The following SLC1A2 variants were observed in gnomAD, a reference collection of about 807,000 sequenced individuals.
SLC1A2 encodes excitatory amino acid transporter 2.
In SLC1A2, 15 loss-of-function variants were observed where a neutral mutation model predicts 48.8. That is an observed-to-expected ratio of 0.31 (90% CI 0.21 to 0.47). The LOEUF is 0.47. Among genes scored for constraint, SLC1A2 ranks in the 20% least tolerant of loss-of-function variants. SLC1A2 has a pLI of 0.99. For missense variants in SLC1A2, 502 were observed against 730.5 expected (o/e 0.69, Z 3.61); for synonymous variants, 279 against 272.6 (o/e 1.02, Z -0.23).
intron 1 of SLC1A2, chr11:35,370,919 C>T (rs1590238679): frequency 2.0e-6 from 2 of 977,756 alleles, no homozygotes; most frequent in East Asian, 1.1e-4. Flanking sequence ...TGCAAGAATA[C>T]ATGAAATATA....
At chr11:35,353,871 G>A (rs1853359619) in intron 1 of SLC1A2, among the ~76,000 whole-genome samples, 2 of 152,162 alleles carry the variant, frequency 1.3e-5, no homozygotes, top group Admixed American at 6.5e-5. Flanking sequence ...TCCCTTGAAA[G>A]GATGTTAAGT....
At chr11:35,314,785 C>CTTTTTTTTT (rs5791048) in intron 3 of SLC1A2, among the ~76,000 whole-genome samples, 2 of 141,048 alleles carry the variant, frequency 1.4e-5, no homozygotes, top group Non-Finnish European at 3.0e-5. Context: ...CTTTTCTTTT[C>CTTTTTTTTT]TTTTTTTTTT....
intron 7 of SLC1A2, among the ~76,000 whole-genome samples, chr11:35,288,155 C>G (rs961065953): frequency 6.6e-6 from 1 of 152,104 alleles, no homozygotes; most frequent in Non-Finnish European, 1.5e-5. Context: ...CCAGAACCAA[C>G]GAATCAGAAG....
At chr11:35,416,041 G>A (rs1268652804) in intron 1 of SLC1A2, among the ~76,000 whole-genome samples, 1 of 152,162 alleles carries the variant, frequency 6.6e-6, no homozygotes, top group Admixed American at 6.5e-5. Flanking sequence ...TATTAAATTA[G>A]ACCTTGCTTT....
rs1950462603 is a variant in SLC1A2, at chr11:35,265,299, AC to A, written c.1653+227del. On this transcript the variant is annotated intron_variant, in intron 10 of 10. Coordinates refer to ENST00000278379, the MANE Select transcript of SLC1A2 (RefSeq NM_004171.4). ...CGAATGGTTGTTTCACATCACATGGACGAAATAAGCAACTGATTGACTCTTT... is the reference window on the plus strand; with the variant it reads ...CGAATGGTTGTTTCACATCACATGGAGAAATAAGCAACTGATTGACTCTTT... The A allele has an allele frequency of 1.1e-5, 6 of 557,924 alleles. No homozygotes were observed. The South Asian group carries it at 1.5e-4, about 14-fold the overall frequency. 34.6% of individuals were successfully genotyped at this position (557,924 alleles called of 1,614,324 possible).
intron 1 of SLC1A2, among the ~76,000 whole-genome samples, chr11:35,395,922 C>T (rs1055913015): frequency 7.6e-5 from 11 of 145,656 alleles, no homozygotes; most frequent in Admixed American, 2.1e-4. Context: ...TGAGAATATG[C>T]GGTGTTTGGT....
intron 1 of SLC1A2, among the ~76,000 whole-genome samples, chr11:35,332,796 T>C (rs918800631): frequency 3.3e-5 from 5 of 152,124 alleles, no homozygotes; most frequent in Admixed American, 3.3e-4. Context: ...AGGGCAGAAA[T>C]TGTTTTTGTA....
intron 4 of SLC1A2, among the ~76,000 whole-genome samples, chr11:35,308,323 A>G (rs949894789): frequency 1.3e-5 from 2 of 152,112 alleles, no homozygotes; most frequent in Non-Finnish European, 2.9e-5. Flanking sequence ...CAGTGATGTA[A>G]GTTGAAGCTG....
chr11:35,388,987 C>T (rs906694165), intron 1 of SLC1A2, among the ~76,000 whole-genome samples: 1 of 152,102 alleles, frequency 6.6e-6, no homozygotes, highest in Non-Finnish European at 1.5e-5. Context: ...CTATTTGATG[C>T]GATGTTCACT....
At chr11:35,317,245 C>T in intron 2 of SLC1A2, 132 bp downstream of exon 2, 1 of 830,266 alleles carries the variant, frequency 1.2e-6, no homozygotes, top group Non-Finnish European at 1.9e-6. Flanking sequence ...GAAGCCTGGG[C>T]AGACAGGGCC....
intron 1 of SLC1A2, among the ~76,000 whole-genome samples, chr11:35,332,403 A>G (rs1244124816): frequency 1.3e-5 from 2 of 152,246 alleles, no homozygotes; most frequent in Non-Finnish European, 2.9e-5. Context: ...TGCTGAGGAT[A>G]GTTTCTCGCC....
intron 1 of SLC1A2, among the ~76,000 whole-genome samples, chr11:35,375,595 A>T (rs955716268): frequency 6.6e-6 from 1 of 152,226 alleles, no homozygotes; most frequent in African/African-American, 2.4e-5. Flanking sequence ...TGGGCCCTCC[A>T]GTCAAGGTGG....
chr11:35,286,514 A>G, intron 8 of SLC1A2: 2 of 343,368 alleles, frequency 5.8e-6, no homozygotes, highest in Non-Finnish European at 1.1e-5. Context: ...ATTGCTAAAA[A>G]TCAAATAATA....
intron 6 of SLC1A2, chr11:35,299,353 C>CTCTCTGTGTG (rs1554997938): frequency 8.2e-5 from 12 of 146,974 alleles, no homozygotes; most frequent in Middle Eastern, 6.9e-3. Context: ...CTCTCTCTCT[C>CTCTCTGTGTG]TGTGTGTGTG....
intron 1 of SLC1A2, among the ~76,000 whole-genome samples, chr11:35,415,102 A>G (rs938793046): frequency 2.0e-5 from 3 of 152,240 alleles, no homozygotes; most frequent in Admixed American, 1.3e-4. Context: ...GAAATCTCAC[A>G]CTTAGCTGTT....
At chr11:35,308,311 G>A (rs1225025802) in intron 4 of SLC1A2, among the ~76,000 whole-genome samples, 1 of 152,138 alleles carries the variant, frequency 6.6e-6, no homozygotes, top group Admixed American at 6.5e-5. Flanking sequence ...AATAGCAAAG[G>A]CCAGTGATGT....
At chr11:35,287,096 A>T in intron 7 of SLC1A2, 145 bp from the exon 8 acceptor site, 1 of 671,506 alleles carries the variant, frequency 1.5e-6, no homozygotes, top group Non-Finnish European at 2.5e-6. Flanking sequence ...CAGTATCTGG[A>T]GCCAGATTAA....
chr11:35,320,793 A>G (rs971510250), intron 1 of SLC1A2, among the ~76,000 whole-genome samples: 2 of 152,238 alleles, frequency 1.3e-5, no homozygotes, highest in African/African-American at 4.8e-5. Context: ...TACAGGCACC[A>G]TACTGTTGTT....
In SLC1A2 at chr11:35,265,845, G is replaced by C; in HGVS notation, c.1422-87C>G. The stretch of plus-strand genomic sequence containing the variant: ...CAAGGTCTGGAGTCAGAGAGACATA[G>C]GGTTGAGTACTGGCTCTACCTTTTC... On this transcript the variant is annotated intron_variant, in intron 9 of 10. Transcript: ENST00000278379. 3 of 792,374 alleles carry C rather than the reference G, an allele frequency of 3.8e-6. No individual in the cohort carries two copies. In the East Asian group the frequency reaches 7.5e-5, roughly 20 times the overall value. 49.1% of individuals were successfully genotyped at this position (792,374 alleles called of 1,614,324 possible).
Sources: gnomAD v4.1 joint callset for allele counts (sites outside exome capture counted in the v4.1 genomes callset) on GRCh38, gnomAD v4.1.1 for gene constraint, MANE v1.5 for transcripts, NCBI Gene and HGNC (gene_info 2026-07-23, HGNC 2026-07-21) for gene names.